The following ARIH1 variants were observed in gnomAD, a reference collection of about 807,000 sequenced individuals.
ARIH1 encodes the protein E3 ubiquitin-protein ligase ARIH1.
In ARIH1, 8 loss-of-function variants were observed where a neutral mutation model predicts 85.0. That is an observed-to-expected ratio of 0.09 (90% CI 0.06 to 0.17). The LOEUF (loss-of-function observed/expected upper bound fraction) is 0.17. Ranked by LOEUF, ARIH1 falls within the 10% of genes least tolerant of loss-of-function variation. The pLI is 1.00. For synonymous variants in ARIH1, 238 were observed against 253.6 expected (o/e 0.94, Z 0.59); for missense variants, 311 against 718.1 (o/e 0.43, Z 6.48).
intron 1 of ARIH1, among the ~76,000 whole-genome samples, chr15:72,516,648 A>G (rs1351240057): frequency 6.6e-6 from 1 of 152,184 alleles, no homozygotes; most frequent in Non-Finnish European, 1.5e-5. Flanking sequence ...GATTAGCAAA[A>G]TGTACTAAGG....
At chr15:72,519,346 T>TG (rs2063988521) in intron 2 of ARIH1, among the ~76,000 whole-genome samples, 1 of 151,822 alleles carries the variant, frequency 6.6e-6, no homozygotes, top group African/African-American at 2.4e-5. Context: ...TACTATTAAA[T>TG]TACAATTTAA....
chr15:72,539,980 C>T (rs928156266), intron 2 of ARIH1, among the ~76,000 whole-genome samples: 1 of 152,074 alleles, frequency 6.6e-6, no homozygotes, highest in Non-Finnish European at 1.5e-5. Flanking sequence ...AAACAATGGG[C>T]CGGGCACGGT....
chr15:72,496,626 G>A (rs1004363128), intron 1 of ARIH1, among the ~76,000 whole-genome samples: 1 of 152,206 alleles, frequency 6.6e-6, no homozygotes, highest in Non-Finnish European at 1.5e-5. Context: ...GCATGGGATG[G>A]TTGCAAATAC....
rs2140443833 is a variant in ARIH1 at position 72,588,592 on chromosome 15, A to G, written c.*5300A>G. 1 of 152,310 alleles carries G rather than the reference A, an allele frequency of 6.6e-6. No homozygotes were observed. The highest frequency in any genetic ancestry group is 6.5e-5 in the Admixed American group (1 of 15,300). The allele number at this position is 152,310 out of a possible 1,614,324, so 9.4% of individuals were successfully genotyped here. On this transcript the variant is annotated 3_prime_UTR_variant, in exon 14 of 14. Coordinates refer to ENST00000379887, the MANE Select transcript of ARIH1 (RefSeq NM_005744.5). ...GAATATAGGCGAGCAACTCCAGATCATAAGGGACAAAATGATTCAAGGCAA... is the reference window on the plus strand; with the variant it reads ...GAATATAGGCGAGCAACTCCAGATCGTAAGGGACAAAATGATTCAAGGCAA...
In ARIH1 at chr15:72,583,936, A is replaced by G. The variant is rs2064305125; in HGVS notation, c.*644A>G. ...TGTATATAGCGCATATGCATGGACA[A>G]AGCAAGCGTGGCACGTGTTTGCATA... On this transcript the variant is annotated 3_prime_UTR_variant, in exon 14 of 14. Coordinates refer to ENST00000379887, the MANE Select transcript of ARIH1 (RefSeq NM_005744.5). The G allele has an allele frequency of 6.6e-6, 1 of 152,252 alleles. No individual in the cohort carries two copies. The highest frequency in any genetic ancestry group is 2.4e-5 in the African/African-American group (1 of 41,464). The allele number at this position is 152,252 out of a possible 1,614,324, so 9.4% of individuals were successfully genotyped here. A position where few individuals can be genotyped will look rare whatever the true frequency, so the allele number is the denominator to read the frequency against.
At chr15:72,555,027 G>C (rs781121634) in intron 3 of ARIH1, among the ~76,000 whole-genome samples, 1 of 152,118 alleles carries the variant, frequency 6.6e-6, no homozygotes, top group Non-Finnish European at 1.5e-5. Flanking sequence ...TCTTTCATAT[G>C]CTCATTTGTC....
intron 1 of ARIH1, among the ~76,000 whole-genome samples, chr15:72,495,936 ACT>A (rs1241157301): frequency 6.6e-6 from 1 of 152,166 alleles, no homozygotes; most frequent in Non-Finnish European, 1.5e-5. Context: ...CTCAAGAGAT[ACT>A]GTTTTTCTGT....
chr15:72,482,690 A>G (rs1312123108), intron 1 of ARIH1, among the ~76,000 whole-genome samples: 1 of 152,110 alleles, frequency 6.6e-6, no homozygotes, highest in African/African-American at 2.4e-5. Context: ...TGTTACCCCA[A>G]AACTTAGTGG....
chr15:72,512,792 A>G (rs926487002), intron 1 of ARIH1, among the ~76,000 whole-genome samples: 1 of 151,912 alleles, frequency 6.6e-6, no homozygotes, highest in Non-Finnish European at 1.5e-5. Flanking sequence ...AAGATGGTTT[A>G]ATTTGGAAGT....
rs2064315253 is a variant in ARIH1, at chr15:72,586,046, T to C, written c.*2754T>C. 6.6e-6 allele frequency: 1 copy of C among 152,220 alleles called. No homozygotes were observed. The highest frequency in any genetic ancestry group is 1.9e-4 in the East Asian group (1 of 5,204). 9.4% of individuals were successfully genotyped at this position (152,220 alleles called of 1,614,324 possible). On this transcript the variant is annotated 3_prime_UTR_variant, in exon 14 of 14. Coordinates refer to ENST00000379887, the MANE Select transcript of ARIH1 (RefSeq NM_005744.5). The stretch of plus-strand genomic sequence containing the variant: ...CTTTCAGTGATTTAAAATAAAATTT[T>C]GATCCAAAGCTCAGGACACAAACCA...
At chr15:72,535,011 C>T (rs1274811770) in intron 2 of ARIH1, among the ~76,000 whole-genome samples, 1 of 135,526 alleles carries the variant, frequency 7.4e-6, no homozygotes, top group Non-Finnish European at 1.6e-5. Flanking sequence ...AGTGCAGTGG[C>T]GCAATCTCGG....
At chr15:72,487,024 G>A (rs1234437877) in intron 1 of ARIH1, among the ~76,000 whole-genome samples, 1 of 151,852 alleles carries the variant, frequency 6.6e-6, no homozygotes, top group African/African-American at 2.4e-5. Flanking sequence ...CCAAAAGTTT[G>A]AAGATTTAAA....
chr15:72,494,043 C>T (rs1380324038), intron 1 of ARIH1, among the ~76,000 whole-genome samples: 4 of 152,120 alleles, frequency 2.6e-5, no homozygotes, highest in Non-Finnish European at 5.9e-5. Context: ...ATGCAGAACC[C>T]TTCCCTAACC....
rs1334076012 is a variant in ARIH1, at chr15:72,594,909, TTTCTTA to T, written c.*11618_*11623del. 1 of 150,802 alleles carries T rather than the reference TTTCTTA, an allele frequency of 6.6e-6. No individual in the cohort carries two copies. Among genetic ancestry groups the T allele is most frequent in the East Asian group, 1.9e-4 (1 of 5,148 alleles). The allele number at this position is 150,802 out of a possible 1,614,324, so 9.3% of individuals were successfully genotyped here. A position where few individuals can be genotyped will look rare whatever the true frequency, so the allele number is the denominator to read the frequency against. On this transcript the variant is annotated 3_prime_UTR_variant, in exon 14 of 14. Coordinates refer to ENST00000379887, the MANE Select transcript of ARIH1 (RefSeq NM_005744.5). ...GGTGAGAGCAGACACCTTGCCTTGT[TTTCTTA>T]ATCTTAGGGATAAAGATTTTAATGT... is the stretch of plus-strand genomic sequence containing the variant.
At chr15:72,487,400 G>C (rs1195346780) in intron 1 of ARIH1, among the ~76,000 whole-genome samples, 2 of 152,062 alleles carry the variant, frequency 1.3e-5, no homozygotes, top group Non-Finnish European at 2.9e-5. Context: ...TGTTTTTAGG[G>C]ATAAAGTGTA....
chr15:72,501,648 C>T (rs1193636202), intron 1 of ARIH1, among the ~76,000 whole-genome samples: 3 of 152,070 alleles, frequency 2.0e-5, no homozygotes, highest in African/African-American at 4.8e-5. Flanking sequence ...ACAGCAGATA[C>T]GTGGAATGCT....
At position 72,548,653 on chromosome 15, in the gene ARIH1, T is replaced by C. The variant is rs972624596; in HGVS notation, c.588+3689T>C. Reference sequence around the variant, plus strand: ...CCTTTCCTCATAATTTTTAGACTCATATAGAAGGATAATTTTAACCTCTTC... The same window carrying C: ...CCTTTCCTCATAATTTTTAGACTCACATAGAAGGATAATTTTAACCTCTTC... On this transcript the variant is annotated intron_variant, in intron 3 of 13. Transcript: ENST00000379887. 3.9e-5 allele frequency among the ~76,000 whole-genome samples: 6 copies of C among 152,218 alleles called. No homozygotes were observed. In the South Asian group the frequency reaches 8.3e-4, roughly 21 times the overall value.
intron 1 of ARIH1, among the ~76,000 whole-genome samples, chr15:72,484,688 T>A (rs886920327): frequency 2.6e-5 from 4 of 151,248 alleles, no homozygotes; most frequent in African/African-American, 9.7e-5. Flanking sequence ...TATACGTATA[T>A]GTATGCGTGT....
At chr15:72,577,916 C>T (rs1444410750) in intron 11 of ARIH1, among the ~76,000 whole-genome samples, 1 of 152,164 alleles carries the variant, frequency 6.6e-6, no homozygotes, top group Admixed American at 6.5e-5. Context: ...AATCCTCTTT[C>T]CATTTGCTTT....
Sources: gnomAD v4.1 joint callset for allele counts (sites outside exome capture counted in the v4.1 genomes callset) on GRCh38, gnomAD v4.1.1 for gene constraint, MANE v1.5 for transcripts, NCBI Gene and HGNC (gene_info 2026-07-23, HGNC 2026-07-21) for gene names.